GFY: variants seen among roughly 807,000 people sequenced by gnomAD.
The protein encoded by GFY is golgi associated olfactory signaling regulator, also known as Golgi-associated olfactory signaling regulator.
In GFY, 28 loss-of-function variants were observed where a neutral mutation model predicts 29.1. That is an observed-to-expected ratio of 0.96 (90% CI 0.71 to 1.32). GFY has a LOEUF of 1.32. Ranked by LOEUF, GFY falls within the 40% of genes most tolerant of loss-of-function variation. GFY has a pLI of 0.00. For missense variants in GFY, 656 were observed against 661.9 expected, an observed-to-expected ratio of 0.99 and a Z score of 0.10; for synonymous variants, 277 against 274.5, an observed-to-expected ratio of 1.01 and a Z score of -0.09.
chr19:49,426,534 A>G lies in GFY; in HGVS notation c.104A>G (p.Asp35Gly), dbSNP rs867539967. The G allele has an allele frequency of 1.3e-6, 2 of 1,535,910 alleles. No individual in the cohort carries two copies. Among genetic ancestry groups the G allele is most frequent in the African/African-American group, 2.7e-5 (2 of 72,986 alleles). ...CTGCCTTTGGGCTGTGGCTTTCCGG[A>G]CATGGCCCACCCCTCTGAGACTTCC... is the stretch of plus-strand genomic sequence containing the variant. ...APLPLGCGFP[D>G]MAHPSETSPL... Residue 35 changes from aspartate to glycine, a missense_variant, in exon 2 of 4, where the codon GAC (aspartate) becomes GGC (glycine). Asp to Gly is a moderately conservative substitution (Grantham distance 94). Coordinates refer to ENST00000610896, the MANE Select transcript of GFY (RefSeq NM_001195256.2).
Position 49,428,646 on chromosome 19 carries a change from C to T in GFY, c.1385C>T (p.Pro462Leu), listed in dbSNP as rs774268353. Residue 462 changes from proline (P) to leucine (L), a missense_variant, in exon 4 of 4, where the codon CCC becomes CTC. By Grantham distance (98) the Pro-to-Leu change is moderately conservative. Coordinates refer to ENST00000610896, the MANE Select transcript of GFY (RefSeq NM_001195256.2). ...PVLHLDAPKD[P>L]YDLYFYAPDT... The stretch of plus-strand genomic sequence containing the variant: ...CTGCATTTGGACGCCCCGAAAGACC[C>T]CTACGACCTCTACTTTTATGCTCCG... The T allele has an allele frequency of 7.2e-5, 110 of 1,519,898 alleles. No individual in the cohort carries two copies. Among genetic ancestry groups the T allele is most frequent in the Non-Finnish European group, 9.5e-5 (108 of 1,137,786 alleles). The allele number at this position is 1,519,898 out of a possible 1,614,324, so 94.2% of individuals were successfully genotyped here.
Position 49,428,799 on chromosome 19 carries a change from T to C in GFY, c.1538T>C (p.Leu513Pro). 6.8e-7 allele frequency: 1 copy of C among 1,460,084 alleles called. No individual in the cohort carries two copies. The highest frequency in any genetic ancestry group is 9.0e-7 in the Non-Finnish European group (1 of 1,108,068). 90.4% of individuals were successfully genotyped at this position (1,460,084 alleles called of 1,614,324 possible). A position where few individuals can be genotyped will look rare whatever the true frequency, so the allele number is the denominator to read the frequency against. Residue 513 changes from leucine (L) to proline (P), a missense_variant, in exon 4 of 4, where the codon CTC becomes CCC. Coordinates refer to ENST00000610896, the MANE Select transcript of GFY (RefSeq NM_001195256.2). Reference protein sequence around the residue: ...QRLEALSPATLPNNFV With the variant: ...QRLEALSPATPPNNFV ...CTGGAGGCCCTGTCCCCCGCCACGC[T>C]CCCCAACAACTTCGTGTGAGCCCCA...
rs1975072631 is a variant in GFY, at chr19:49,426,413, T to C, written c.-18T>C. 2.6e-6 allele frequency: 4 copies of C among 1,518,376 alleles called. No homozygotes were observed. The highest frequency in any genetic ancestry group is 2.0e-5 in the Admixed American group (1 of 48,948). 94.1% of individuals were successfully genotyped at this position (1,518,376 alleles called of 1,614,324 possible). ...TCCTTCCCGCTCTCCCCCGCAGCTA[T>C]AGGTATCTGCCAGAGCTATGAAATC... On this transcript the variant is annotated 5_prime_UTR_variant, in exon 2 of 4. Coordinates refer to ENST00000610896, the MANE Select transcript of GFY (RefSeq NM_001195256.2).
chr19:49,427,515 CCAGT>C lies in GFY; in HGVS notation c.1090_1093del (p.Gln364TrpfsTer27). 1 of 1,529,090 alleles carries C rather than the reference CCAGT, an allele frequency of 6.5e-7. No individual in the cohort carries two copies. The highest frequency in any genetic ancestry group is 1.2e-5 in the South Asian group (1 of 82,902). The allele number at this position is 1,529,090 out of a possible 1,614,324, so 94.7% of individuals were successfully genotyped here. A position where few individuals can be genotyped will look rare whatever the true frequency, so the allele number is the denominator to read the frequency against. ...GGTCCCCCTGCTCTTCCAGGGCGCC[CCAGT>C]CAGTTGGCCCCTGCCACTCTGCGGG... On this transcript the variant is annotated frameshift_variant, in exon 2 of 4. Coordinates refer to ENST00000610896, the MANE Select transcript of GFY (RefSeq NM_001195256.2). LOFTEE classifies it high-confidence loss of function.
chr19:49,427,947 C>T lies in GFY; in HGVS notation c.1185C>T (p.Gly395=), dbSNP rs1356356682. Reference sequence around the variant, plus strand: ...TAGATTGCTGGTATCCCCCTTCAGGCGTGACTCTGGTGGGGCGACCACGTG... The same window carrying T: ...TAGATTGCTGGTATCCCCCTTCAGGTGTGACTCTGGTGGGGCGACCACGTG... ...IIVVERVKET[G]VTLVGRPRGA... The change falls in exon 3 of 4, where the codon GGC becomes GGT. Residue 395 remains glycine, a splice_region_variant and synonymous_variant. Coordinates refer to ENST00000610896, the MANE Select transcript of GFY (RefSeq NM_001195256.2). The T allele has an allele frequency of 2.0e-6, 3 of 1,531,516 alleles. No homozygotes were observed. The African/African-American group carries it at 4.1e-5, about 21-fold the overall frequency. The allele number at this position is 1,531,516 out of a possible 1,614,324, so 94.9% of individuals were successfully genotyped here.
chr19:49,425,212 C>T (rs1975060393), upstream of GFY, among the ~76,000 whole-genome samples: 2 of 151,902 alleles, frequency 1.3e-5, no homozygotes, highest in Non-Finnish European at 2.9e-5. Context: ...GGGCCAGGAC[C>T]ACTGGTTTCA....
Position 49,428,200 on chromosome 19 carries a change from C to G in GFY, c.1357+81C>G. On this transcript the variant is annotated intron_variant, in intron 3 of 3. Coordinates refer to ENST00000610896, the MANE Select transcript of GFY (RefSeq NM_001195256.2). ...CACTACAGGGCGCCAGCCAAAAAAG[C>G]ACAGGTCCCCCACCCAAGGTCAATG... 5 of 1,454,756 alleles carry G rather than the reference C, an allele frequency of 3.4e-6. No individual in the cohort carries two copies. The South Asian group carries it at 6.5e-5, about 19-fold the overall frequency. The allele number at this position is 1,454,756 out of a possible 1,614,324, so 90.1% of individuals were successfully genotyped here.
Position 49,427,284 on chromosome 19 carries a change from A to G in GFY, c.854A>G (p.Tyr285Cys), listed in dbSNP as rs961108910. 19 of 1,536,002 alleles carry G rather than the reference A, an allele frequency of 1.2e-5. No homozygotes were observed. Among genetic ancestry groups the G allele is most frequent in the Non-Finnish European group, 1.5e-5 (17 of 1,146,876 alleles). ...TSDPQISTSL[Y>C]PETPVPFKDD... is the part of the protein sequence containing the mutation. ...GACCCTCAAATCTCCACTAGTCTCT[A>G]CCCAGAAACACCTGTGCCCTTCAAG... The change falls in exon 2 of 4, where the codon TAC (tyrosine) becomes TGC (cysteine). Residue 285 changes from tyrosine to cysteine, a missense_variant. Transcript: ENST00000610896.
Position 49,427,282 on chromosome 19 carries a change from C to T in GFY, c.852C>T (p.Leu284=). 1 of 1,536,226 alleles carries T rather than the reference C, an allele frequency of 6.5e-7. No individual in the cohort carries two copies. Among genetic ancestry groups the T allele is most frequent in the Non-Finnish European group, 8.7e-7 (1 of 1,146,922 alleles). ...CCGACCCTCAAATCTCCACTAGTCTCTACCCAGAAACACCTGTGCCCTTCA... is the reference window on the plus strand; with the variant it reads ...CCGACCCTCAAATCTCCACTAGTCTTTACCCAGAAACACCTGTGCCCTTCA... The part of the protein sequence containing the change: ...RTSDPQISTS[L]YPETPVPFKD... The change falls in exon 2 of 4, where the codon CTC becomes CTT. Residue 284 remains leucine (L), a synonymous_variant. Coordinates refer to ENST00000610896, the MANE Select transcript of GFY (RefSeq NM_001195256.2).
chr19:49,425,575 T>C (rs1294265392), intron 1 of GFY, 86 bp downstream of exon 1: 1 of 152,386 alleles, frequency 6.6e-6, no homozygotes, highest in Non-Finnish European at 1.5e-5. Flanking sequence ...CCTATGCTTC[T>C]CTGCCCAGAC....
At position 49,426,520 on chromosome 19, in the gene GFY, C is replaced by A; in HGVS notation, c.90C>A (p.Gly30=). 1 of 1,536,208 alleles carries A rather than the reference C, an allele frequency of 6.5e-7. No homozygotes were observed. Among genetic ancestry groups the A allele is most frequent in the Non-Finnish European group, 8.7e-7 (1 of 1,146,928 alleles). Residue 30 remains glycine (G), a synonymous_variant, in exon 2 of 4, where the codon GGC becomes GGA. Coordinates refer to ENST00000610896, the MANE Select transcript of GFY (RefSeq NM_001195256.2). Reference sequence around the variant, plus strand: ...CTCCCTCAGCCCCTCTGCCTTTGGGCTGTGGCTTTCCGGACATGGCCCACC... The same window carrying A: ...CTCCCTCAGCCCCTCTGCCTTTGGGATGTGGCTTTCCGGACATGGCCCACC... The part of the protein sequence containing the change: ...KAAPSAPLPL[G]CGFPDMAHPS...
At position 49,428,680 on chromosome 19, in the gene GFY, G is replaced by A; in HGVS notation, c.1419G>A (p.Trp473Ter). The A allele has an allele frequency of 6.5e-7, 1 of 1,531,158 alleles. No homozygotes were observed. Among genetic ancestry groups the A allele is most frequent in the South Asian group, 1.2e-5 (1 of 83,492 alleles). The allele number at this position is 1,531,158 out of a possible 1,614,324, so 94.8% of individuals were successfully genotyped here. The part of the protein sequence containing the change: ...YDLYFYAPDT[W>*]VPSHIATKQP... The stretch of plus-strand genomic sequence containing the variant: ...TCTACTTTTATGCTCCGGATACCTG[G>A]GTCCCTTCCCACATCGCCACCAAGC... The change falls in exon 4 of 4, where the codon TGG becomes TGA. Residue 473 changes from tryptophan to a stop codon, truncating the protein, a stop_gained. Transcript: ENST00000610896. LOFTEE classifies it high-confidence loss of function.
chr19:49,428,766 C>A lies in GFY; in HGVS notation c.1505C>A (p.Pro502Gln). The A allele has an allele frequency of 1.3e-6, 2 of 1,510,598 alleles. No homozygotes were observed. The highest frequency in any genetic ancestry group is 1.8e-6 in the Non-Finnish European group (2 of 1,134,516). The allele number at this position is 1,510,598 out of a possible 1,614,324, so 93.6% of individuals were successfully genotyped here. The change falls in exon 4 of 4, where the codon CCG (proline) becomes CAG (glutamine). Residue 502 changes from proline (P) to glutamine (Q), a missense_variant. By Grantham distance (76) the Pro-to-Gln change is moderately conservative (BLOSUM62 -1). Transcript: ENST00000610896. ...CCCCCGCCGCCCCGCGGGGGTCGCC[C>A]GCAGCGTCTGGAGGCCCTGTCCCCC... ...KLPPPPRGGR[P>Q]QRLEALSPAT...
chr19:49,426,376 G>A, intron 1 of GFY, 34 bp from the exon 2 acceptor site: 2 of 1,465,814 alleles, frequency 1.4e-6, no homozygotes, highest in Non-Finnish European at 1.8e-6. Flanking sequence ...GGAGCCTTCG[G>A]CCTTAACCCC....
chr19:49,424,367 C>T (rs530524374), upstream of GFY, among the ~76,000 whole-genome samples: 26 of 152,264 alleles, frequency 1.7e-4, no homozygotes, highest in Non-Finnish European at 2.5e-4. Flanking sequence ...CTCAGCCTCC[C>T]GAGTAGCTGG....
chr19:49,425,157 T>A (rs147808013), upstream of GFY, among the ~76,000 whole-genome samples: 1 of 151,612 alleles, frequency 6.6e-6, no homozygotes, highest in Non-Finnish European at 1.5e-5. Flanking sequence ...AATAGGAAGG[T>A]ACCAGGGAAC....
upstream of GFY, chr19:49,425,385 C>T (rs1247908048): frequency 6.6e-6 from 1 of 152,156 alleles, no homozygotes; most frequent in Non-Finnish European, 1.5e-5. Context: ...CCTGTGTGCC[C>T]CTGAGACCCT....
rs1251359274 is a variant in GFY, at chr19:49,427,252, G to T, written c.822G>T (p.Arg274Ser). The T allele has an allele frequency of 6.5e-7, 1 of 1,535,980 alleles. No homozygotes were observed. Among genetic ancestry groups the T allele is most frequent in the Non-Finnish European group, 8.7e-7 (1 of 1,146,874 alleles). ...TYYQNATDVP[R>S]TSDPQISTSL... ...ACCAAAATGCAACAGATGTACCCAG[G>T]ACCTCCGACCCTCAAATCTCCACTA... is the stretch of plus-strand genomic sequence containing the variant. The change falls in exon 2 of 4, where the codon AGG becomes AGT. Residue 274 changes from arginine to serine, a missense_variant. By Grantham distance (110) the Arg-to-Ser change is moderately radical. Coordinates refer to ENST00000610896, the MANE Select transcript of GFY (RefSeq NM_001195256.2).
At chr19:49,424,390 C>T (rs566939537), upstream of GFY, among the ~76,000 whole-genome samples, 18 of 152,280 alleles carry the variant, frequency 1.2e-4, no homozygotes, top group Admixed American at 7.2e-4. Flanking sequence ...TTACAGGTGC[C>T]CACCATCACG....
Sources: allele counts gnomAD v4.1 joint callset (sites outside exome capture counted in the v4.1 genomes callset), GRCh38; gene constraint gnomAD v4.1.1; transcripts MANE v1.5; gene names NCBI Gene and HGNC (gene_info 2026-07-23, HGNC 2026-07-21).